VPS13B: variants seen among roughly 807,000 people sequenced by gnomAD.
VPS13B encodes the protein intermembrane lipid transfer protein VPS13B.
Under a neutral mutation model 426.4 loss-of-function variants are expected in VPS13B, and 285 were observed. The observed-to-expected ratio is 0.67, with a 90% CI of 0.61 to 0.74. The LOEUF (loss-of-function observed/expected upper bound fraction) is 0.74. VPS13B is among the 30% of genes least tolerant of loss of function. The pLI is 0.00. For synonymous variants in VPS13B, 1,676 were observed against 1,676.4 expected (o/e 1.00, Z 0.01); for missense variants, 4,537 against 4,782.6 (o/e 0.95, Z 1.51).
intron 19 of VPS13B, among the ~76,000 whole-genome samples, chr8:99,358,079 C>T (rs1165184019): frequency 1.3e-5 from 2 of 151,592 alleles, no homozygotes; most frequent in Admixed American, 1.3e-4. Flanking sequence ...TCTCTTTTTG[C>T]ATTTGTATTG....
intron 57 of VPS13B, 40 bp downstream of exon 57, chr8:99,859,520 TC>T: frequency 1.9e-6 from 3 of 1,581,870 alleles, no homozygotes; most frequent in Non-Finnish European, 1.7e-6. Flanking sequence ...CTTCACTCCT[TC>T]CCTTTTTTTT....
intron 31 of VPS13B, among the ~76,000 whole-genome samples, chr8:99,574,858 A>G (rs970653644): frequency 1.3e-5 from 2 of 152,152 alleles, no homozygotes; most frequent in African/African-American, 4.8e-5. Flanking sequence ...GAAGCATTTA[A>G]TATCTCACAC....
intron 35 of VPS13B, among the ~76,000 whole-genome samples, chr8:99,668,979 C>T (rs757060347): frequency 2.0e-4 from 30 of 152,124 alleles, no homozygotes; most frequent in Non-Finnish European, 3.7e-4. Context: ...CATTCCCAAC[C>T]AAGGAAAATT....
chr8:99,556,170 A>G (rs1824550636), intron 30 of VPS13B, among the ~76,000 whole-genome samples: 2 of 152,166 alleles, frequency 1.3e-5, no homozygotes, highest in Admixed American at 6.5e-5. Context: ...GATTGAAATC[A>G]TGTATGTGAG....
rs545409344 is a variant in VPS13B at position 99,617,474 on chromosome 8, G to A, written c.5221-24337G>A. On this transcript the variant is annotated intron_variant, in intron 33 of 61. Coordinates refer to ENST00000357162, the MANE Select transcript of VPS13B (RefSeq NM_152564.5). ...TTCCTAGTAGCTGGGATATGGGCAC[G>A]CATCACCACGCCCAGCAAATTTCTG... 2.5e-4 allele frequency among the ~76,000 whole-genome samples: 38 copies of A among 152,080 alleles called. 1 individual carries two copies. The highest frequency in any genetic ancestry group is 3.4e-3 in the Middle Eastern group (1 of 294).
intron 33 of VPS13B, among the ~76,000 whole-genome samples, chr8:99,578,762 T>C (rs1365588112): frequency 6.6e-6 from 1 of 152,168 alleles, no homozygotes; most frequent in Non-Finnish European, 1.5e-5. Flanking sequence ...CCTATATTAT[T>C]TGTGCCAATT....
At position 99,281,367 on chromosome 8, in the gene VPS13B, C is replaced by T. The variant is rs547695981; in HGVS notation, c.2824+6113C>T. On this transcript the variant is annotated intron_variant, in intron 19 of 61. Coordinates refer to ENST00000357162, the MANE Select transcript of VPS13B (RefSeq NM_152564.5). ...GTCTTTTTTGTTTTTGCACTTCTTG[C>T]GAATGGAGGCACTGACTGCCCTTTG... Among the ~76,000 whole-genome samples the T allele has an allele frequency of 2.0e-5, 3 of 152,282 alleles. No individual in the cohort carries two copies. The East Asian group carries it at 5.8e-4, about 29-fold the overall frequency.
chr8:99,327,566 A>C (rs1810340233), intron 19 of VPS13B, among the ~76,000 whole-genome samples: 1 of 151,736 alleles, frequency 6.6e-6, no homozygotes, highest in African/African-American at 2.4e-5. Context: ...TAATTAAAAC[A>C]CAAGTTACAG....
chr8:99,070,459 G>A (rs961302662), intron 3 of VPS13B, among the ~76,000 whole-genome samples: 3 of 152,196 alleles, frequency 2.0e-5, no homozygotes, highest in Non-Finnish European at 4.4e-5. Flanking sequence ...CATACTTATT[G>A]AAATTAACTA....
intron 21 of VPS13B, among the ~76,000 whole-genome samples, chr8:99,427,037 AT>A (rs2133395850): frequency 1.7e-5 from 1 of 57,392 alleles, no homozygotes; most frequent in Non-Finnish European, 3.2e-5. Context: ...TAGGGTTTTT[AT>A]GGTTTTAGGT....
At chr8:99,042,159 A>T (rs1406929228) in intron 3 of VPS13B, among the ~76,000 whole-genome samples, 2 of 152,076 alleles carry the variant, frequency 1.3e-5, no homozygotes, top group Non-Finnish European at 2.9e-5. Context: ...AAAAAATTTG[A>T]AAATCATCTT....
At position 99,626,008 on chromosome 8, in the gene VPS13B, G is replaced by A. The variant is rs540638875; in HGVS notation, c.5221-15803G>A. Among the ~76,000 whole-genome samples the A allele has an allele frequency of 2.6e-5, 4 of 152,268 alleles. 1 individual carries two copies. Among genetic ancestry groups the A allele is most frequent in the East Asian group, 1.9e-4 (1 of 5,188 alleles). On this transcript the variant is annotated intron_variant, in intron 33 of 61. Transcript: ENST00000357162. ...ACAGAATTAGAGGAAACCACATACC[G>A]TATGCAAAAATTAACACAAAATGAA... is the stretch of plus-strand genomic sequence containing the variant.
rs1817744897 is a variant in VPS13B, at chr8:99,877,451, G to A, written c.*1785G>A. On this transcript the variant is annotated 3_prime_UTR_variant, in exon 62 of 62. Transcript: ENST00000357162. ...TACTGACCACCCATAGATGTCTACT[G>A]TTACCAGGTTTTACAATGCAAATTT... 6.6e-6 allele frequency: 1 copy of A among 152,584 alleles called. No homozygotes were observed. Among genetic ancestry groups the A allele is most frequent in the Non-Finnish European group, 1.5e-5 (1 of 68,038 alleles). 9.5% of individuals were successfully genotyped at this position (152,584 alleles called of 1,614,324 possible).
chr8:99,642,183 G>C lies in VPS13B; in HGVS notation c.5593G>C (p.Ala1865Pro). Residue 1865 changes from alanine to proline, a missense_variant, in exon 34 of 62, where the codon GCA (alanine) becomes CCA (proline). Ala to Pro is a conservative substitution (Grantham distance 27). Transcript: ENST00000357162. ...TTCAGATGTTGCTAAGCCCAACCAG[G>C]CATGTATTTCCACGGTGACAGCAGA... ...VDSDVAKPNQ[A>P]CISTVTAEDL... 6.2e-7 allele frequency: 1 copy of C among 1,614,100 alleles called. No homozygotes were observed. The highest frequency in any genetic ancestry group is 8.5e-7 in the Non-Finnish European group (1 of 1,180,006).
At chr8:99,790,134 G>GT (rs1038124502) in intron 43 of VPS13B, among the ~76,000 whole-genome samples, 1 of 152,068 alleles carries the variant, frequency 6.6e-6, no homozygotes, top group Non-Finnish European at 1.5e-5. Context: ...TATTGCAATA[G>GT]TTTTTCTCAA....
At chr8:99,414,401 G>A (rs753852453) in intron 21 of VPS13B, among the ~76,000 whole-genome samples, 3 of 151,986 alleles carry the variant, frequency 2.0e-5, no homozygotes, top group African/African-American at 4.8e-5. Context: ...TTTAATTGTG[G>A]CATTTAGCCC....
At chr8:99,527,763 A>G (rs1171571115) in intron 30 of VPS13B, 3 of 152,172 alleles carry the variant, frequency 2.0e-5, no homozygotes, top group African/African-American at 7.2e-5. Flanking sequence ...GAGATTATAA[A>G]CAAACGAGAT....
intron 33 of VPS13B, among the ~76,000 whole-genome samples, chr8:99,602,831 A>G (rs1316213044): frequency 6.6e-6 from 1 of 152,260 alleles, no homozygotes; most frequent in Non-Finnish European, 1.5e-5. Flanking sequence ...AGGGATGTGA[A>G]GGACCTCTTC....
chr8:99,782,600 A>G (rs1465206540), intron 42 of VPS13B, among the ~76,000 whole-genome samples: 15 of 151,766 alleles, frequency 9.9e-5, no homozygotes, highest in Non-Finnish European at 2.9e-5. Flanking sequence ...AAGCAGAGGG[A>G]AGGCTCTGAG....
Sources: gnomAD v4.1 joint callset for allele counts (sites outside exome capture counted in the v4.1 genomes callset) on GRCh38, gnomAD v4.1.1 for gene constraint, MANE v1.5 for transcripts, NCBI Gene and HGNC (gene_info 2026-07-23, HGNC 2026-07-21) for gene names.